Variants in MAP3K7CL observed in about 807,000 individuals in gnomAD.
MAP3K7CL encodes MAP3K7 C-terminal-like protein.
A neutral mutation model predicts 18.6 loss-of-function variants in MAP3K7CL; 16 were observed. The observed-to-expected ratio is 0.86, with a 90% CI of 0.58 to 1.31. The LOEUF (loss-of-function observed/expected upper bound fraction) is 1.31, where lower values mean the gene tolerates loss of function less well. Ranked by LOEUF, MAP3K7CL falls within the 50% of genes most tolerant of loss-of-function variation. The probability of loss-of-function intolerance (pLI) is 0.00; values close to 1 mark genes in which losing one functional copy is unlikely to be tolerated. For synonymous variants in MAP3K7CL, 65 were observed against 66.8 expected (o/e 0.97, Z 0.13); for missense variants, 163 against 174.4 (o/e 0.93, Z 0.37).
At chr21:29,112,123 C>A (rs2086429695) in intron 4 of MAP3K7CL, among the ~76,000 whole-genome samples, 1 of 152,000 alleles carries the variant, frequency 6.6e-6, no homozygotes, top group South Asian at 2.1e-4. Context: ...ATGGTGAAAC[C>A]CCATCTCTAC....
chr21:29,135,955 G>A (rs1056656102), intron 2 of MAP3K7CL, among the ~76,000 whole-genome samples: 2 of 152,136 alleles, frequency 1.3e-5, no homozygotes, highest in Non-Finnish European at 2.9e-5. Flanking sequence ...GGAGAACCTA[G>A]GGCAGGAGCT....
chr21:29,115,475 G>A (rs2086489579), intron 4 of MAP3K7CL, among the ~76,000 whole-genome samples: 1 of 152,182 alleles, frequency 6.6e-6, no homozygotes, highest in South Asian at 2.1e-4. Flanking sequence ...AGCTATAAAG[G>A]CCTCCAGAGT....
chr21:29,129,135 C>T (rs535236948), upstream of MAP3K7CL, among the ~76,000 whole-genome samples: 30 of 152,246 alleles, frequency 2.0e-4, 1 homozygote, highest in South Asian at 6.2e-3. Context: ...CCCTCTAACC[C>T]CTAATTAACA....
intron 1 of MAP3K7CL, among the ~76,000 whole-genome samples, chr21:29,087,817 T>A (rs2085953676): frequency 6.6e-6 from 1 of 151,924 alleles, no homozygotes; most frequent in African/African-American, 2.4e-5. Flanking sequence ...ATGGTCTCGA[T>A]CTCCTGACCT....
intron 4 of MAP3K7CL, among the ~76,000 whole-genome samples, chr21:29,096,099 G>A (rs1223965884): frequency 6.6e-6 from 1 of 152,190 alleles, no homozygotes; most frequent in Non-Finnish European, 1.5e-5. Context: ...TTTCAGCCTG[G>A]TAATTGGCCT....
At chr21:29,085,876 G>A (rs942570262) in exon 1 of MAP3K7CL, 3 of 1,614,020 alleles carry the variant, frequency 1.9e-6, no homozygotes, top group Middle Eastern at 1.6e-4. Context: ...TCAGCTGATT[G>A]CACCTTTAGA....
chr21:29,165,696 C>T (rs1289928099), intron 4 of MAP3K7CL, among the ~76,000 whole-genome samples: 1 of 152,202 alleles, frequency 6.6e-6, no homozygotes, highest in Non-Finnish European at 1.5e-5. Flanking sequence ...CTCAGCTCCC[C>T]GAGTAGCTGG....
At chr21:29,126,668 A>G (rs938164460), upstream of MAP3K7CL, among the ~76,000 whole-genome samples, 1 of 152,162 alleles carries the variant, frequency 6.6e-6, no homozygotes, top group East Asian at 1.9e-4. Context: ...CATGTTGGCC[A>G]GGCTGGTCTC....
chr21:29,078,298 T>C (rs2074744334), intron 1 of MAP3K7CL, among the ~76,000 whole-genome samples: 1 of 152,200 alleles, frequency 6.6e-6, no homozygotes. Context: ...CAGGATATTT[T>C]TGTTGTTGTT....
chr21:29,104,277 G>T (rs369487980), intron 4 of MAP3K7CL, among the ~76,000 whole-genome samples: 2 of 151,692 alleles, frequency 1.3e-5, no homozygotes, highest in African/African-American at 4.8e-5. Context: ...GGTTTTTTCT[G>T]TTCTCATTTC....
rs986599313 is a variant in MAP3K7CL at position 29,093,995 on chromosome 21, T to C, written c.370+1414T>C. ...TGTAAACTGTTTAAAGGTTAGTTTA[T>C]GTCACATTGTCATGTATCTGTGAAT... On this transcript the variant is annotated intron_variant, in intron 4 of 6. Transcript: ENST00000286791. 6.6e-5 allele frequency among the ~76,000 whole-genome samples: 10 copies of C among 152,398 alleles called. No individual in the cohort carries two copies. The East Asian group carries it at 1.9e-3, about 29-fold the overall frequency.
At chr21:29,090,929 G>T (rs2086016363) in intron 1 of MAP3K7CL, among the ~76,000 whole-genome samples, 2 of 152,004 alleles carry the variant, frequency 1.3e-5, no homozygotes, top group Admixed American at 6.6e-5. Context: ...AAACTAAAAA[G>T]GAGGTAAAAT....
At chr21:29,088,636 A>G (rs751927770) in intron 1 of MAP3K7CL, among the ~76,000 whole-genome samples, 57 of 152,236 alleles carry the variant, frequency 3.7e-4, no homozygotes, top group East Asian at 7.7e-4. Flanking sequence ...TCTTAAAGCT[A>G]TTGAAGCCTG....
At chr21:29,127,966 G>T (rs1393263081), upstream of MAP3K7CL, 4 of 152,222 alleles carry the variant, frequency 2.6e-5, no homozygotes, top group Admixed American at 6.5e-5. Context: ...AAAGGAAGGT[G>T]CTACTTCATC....
In MAP3K7CL at chr21:29,159,964, C is replaced by T. The variant is rs529949231; in HGVS notation, c.156C>T (p.Ser52=). The part of the protein sequence containing the change: ...QLQPLPPCHD[S]EESMEVFKQH... ...AGCCCCTGCCGCCTTGTCATGACTC[C>T]GAGGAATCCATGGAGGTGTTCAAAC... Residue 52 remains serine (S), a synonymous_variant, in exon 4 of 5, where the codon TCC becomes TCT. Coordinates refer to ENST00000399928, the MANE Select transcript of MAP3K7CL (RefSeq NM_001286620.2). The T allele has an allele frequency of 3.0e-5, 48 of 1,613,656 alleles. No individual in the cohort carries two copies. Among genetic ancestry groups the T allele is most frequent in the South Asian group, 9.9e-5 (9 of 91,046 alleles).
chr21:29,101,126 C>T (rs552745346), intron 4 of MAP3K7CL, among the ~76,000 whole-genome samples: 1 of 151,708 alleles, frequency 6.6e-6, no homozygotes, highest in South Asian at 2.1e-4. Flanking sequence ...CTTACGATTT[C>T]TGTGGGTCAG....
At chr21:29,132,291 G>GT (rs11328042) in intron 1 of MAP3K7CL, among the ~76,000 whole-genome samples, 209 of 125,662 alleles carry the variant, frequency 1.7e-3, no homozygotes, top group Non-Finnish European at 2.3e-3. Context: ...TCTGCAGGAT[G>GT]TTTTTTTTCC....
chr21:29,078,849 C>G (rs1054046888), intron 1 of MAP3K7CL, among the ~76,000 whole-genome samples: 27 of 152,166 alleles, frequency 1.8e-4, no homozygotes, highest in African/African-American at 6.5e-4. Flanking sequence ...TAGTTTCTGT[C>G]AAGCACACAT....
chr21:29,100,636 A>AGTGTAG (rs1568935223), intron 4 of MAP3K7CL, among the ~76,000 whole-genome samples: 1 of 152,036 alleles, frequency 6.6e-6, no homozygotes, highest in African/African-American at 2.4e-5. Flanking sequence ...CACCTGGAAA[A>AGTGTAG]GTGTAGTAGT....
Sources: gnomAD v4.1 joint callset for allele counts (sites outside exome capture counted in the v4.1 genomes callset) on GRCh38, gnomAD v4.1.1 for gene constraint, MANE v1.5 for transcripts, NCBI Gene and HGNC (gene_info 2026-07-23, HGNC 2026-07-21) for gene names.